Variants in PDXDC1 observed in about 807,000 individuals in gnomAD.
The protein encoded by PDXDC1 is pyridoxal dependent decarboxylase domain containing 1, also known as pyridoxal-dependent decarboxylase domain-containing protein 1.
PDXDC1 carries 42 observed loss-of-function variants against 100.1 expected under a neutral mutation model. That is an observed-to-expected ratio of 0.42 (90% CI 0.33 to 0.54). The LOEUF (loss-of-function observed/expected upper bound fraction) is 0.54. Among genes scored for constraint, PDXDC1 ranks in the 20% least tolerant of loss-of-function variants. PDXDC1 has a pLI of 0.10. For synonymous variants in PDXDC1, 260 were observed against 371.7 expected (o/e 0.70, Z 3.46); for missense variants, 636 against 979.2 (o/e 0.65, Z 4.68).
chr16:15,059,378 C>T (rs912744748), intron 16 of PDXDC1, among the ~76,000 whole-genome samples: 3 of 151,734 alleles, frequency 2.0e-5, no homozygotes, highest in African/African-American at 7.3e-5. Flanking sequence ...TATCTTTAAC[C>T]AAAAAAAACT....
At chr16:15,028,026 C>T (rs2042753535) in intron 14 of PDXDC1, among the ~76,000 whole-genome samples, 1 of 152,288 alleles carries the variant, frequency 6.6e-6, no homozygotes, top group Non-Finnish European at 1.5e-5. Flanking sequence ...ATCAGTGTCA[C>T]TTCCCTGCCC....
At chr16:15,091,592 T>C (rs2046131451) in intron 16 of PDXDC1, among the ~76,000 whole-genome samples, 1 of 152,032 alleles carries the variant, frequency 6.6e-6, no homozygotes, top group South Asian at 2.1e-4. Flanking sequence ...TACATTTAGC[T>C]ATACTTCTGT....
chr16:15,042,718 C>CTATTTATTTATTTATT (rs58123477), downstream of PDXDC1, among the ~76,000 whole-genome samples: 5,117 of 147,054 alleles, frequency 0.035, 174 homozygotes, highest in Admixed American at 0.084. Flanking sequence ...AAAGGATGAA[C>CTATTTATTTATTTATT]TATTTATTTA....
At chr16:15,032,257 G>T in intron 17 of PDXDC1, 1 of 268,790 alleles carries the variant, frequency 3.7e-6, no homozygotes, top group African/African-American at 2.1e-5. Flanking sequence ...CTCGGGGAGA[G>T]AACTGGGTGC....
At chr16:15,028,747 A>C (rs534257102) in intron 14 of PDXDC1, 131 bp from the exon 15 acceptor site, 1 of 775,342 alleles carries the variant, frequency 1.3e-6, no homozygotes, top group African/African-American at 1.7e-5. Context: ...CAGATAATAC[A>C]TGAGAATTCA....
intron 17 of PDXDC1, chr16:15,032,210 T>C (rs980969276): frequency 1.4e-5 from 5 of 368,348 alleles, no homozygotes; most frequent in African/African-American, 8.0e-5. Flanking sequence ...CCAGGGCATA[T>C]AGAGAATTGC....
At chr16:15,034,024 G>T (rs935542845) in intron 19 of PDXDC1, 1 of 566,290 alleles carries the variant, frequency 1.8e-6, no homozygotes, top group African/African-American at 1.9e-5. Context: ...ACTCCTTAAG[G>T]TTTCTTTCCA....
intron 1 of PDXDC1, among the ~76,000 whole-genome samples, chr16:14,981,307 C>G (rs1342918200): frequency 6.6e-6 from 1 of 152,286 alleles, no homozygotes; most frequent in Admixed American, 6.5e-5. Context: ...CTAACAATCC[C>G]TGAACAAGGT....
At chr16:15,102,349 A>T (rs1044667795) in intron 16 of PDXDC1, among the ~76,000 whole-genome samples, 1 of 152,060 alleles carries the variant, frequency 6.6e-6, no homozygotes, top group African/African-American at 2.4e-5. Flanking sequence ...ATTTTACGAG[A>T]GGGTGTAGCC....
At chr16:14,976,576 T>C (rs1381002268) in intron 1 of PDXDC1, among the ~76,000 whole-genome samples, 1 of 152,284 alleles carries the variant, frequency 6.6e-6, no homozygotes, top group African/African-American at 2.4e-5. Flanking sequence ...ATTAGCAGGG[T>C]GTCTACCTTT....
chr16:15,133,915 C>A lies in PDXDC1; in HGVS notation c.1400-4964C>A. The A allele has an allele frequency of 2.7e-6, 4 of 1,475,068 alleles. No homozygotes were observed. The South Asian group carries it at 4.7e-5, about 17-fold the overall frequency. 91.4% of individuals were successfully genotyped at this position (1,475,068 alleles called of 1,614,324 possible). A position where few individuals can be genotyped will look rare whatever the true frequency, so the allele number is the denominator to read the frequency against. On this transcript the variant is annotated intron_variant, in intron 16 of 16. Coordinates refer to the PDXDC1 transcript ENST00000535621. Reference sequence around the variant, plus strand: ...AGGGGGATGGAGGCGCAGCCCTCCTCCTCGCCAGAGCGGCCCAGCACCGTC... The same window carrying A: ...AGGGGGATGGAGGCGCAGCCCTCCTACTCGCCAGAGCGGCCCAGCACCGTC...
At chr16:15,102,328 G>T (rs1461867159) in intron 16 of PDXDC1, among the ~76,000 whole-genome samples, 1 of 152,130 alleles carries the variant, frequency 6.6e-6, no homozygotes, top group Non-Finnish European at 1.5e-5. Context: ...GCCCTGAAGG[G>T]AGGAAATCCA....
At chr16:15,095,046 C>T (rs1343005336) in intron 16 of PDXDC1, among the ~76,000 whole-genome samples, 1 of 152,156 alleles carries the variant, frequency 6.6e-6, no homozygotes, top group Middle Eastern at 3.4e-3. Context: ...CTGTGTTGGC[C>T]AGGCTGGTCT....
At chr16:15,024,597 G>C (rs1468133077) in intron 13 of PDXDC1, among the ~76,000 whole-genome samples, 1 of 152,238 alleles carries the variant, frequency 6.6e-6, no homozygotes, top group Non-Finnish European at 1.5e-5. Context: ...ATTTTTAGTA[G>C]AGATGGGGTT....
chr16:15,090,766 T>C (rs1216053293), intron 16 of PDXDC1, among the ~76,000 whole-genome samples: 3 of 152,162 alleles, frequency 2.0e-5, no homozygotes, highest in Admixed American at 1.3e-4. Flanking sequence ...TAATAAACCA[T>C]TCTCTTCAAA....
chr16:14,982,730 A>G (rs1294482838), intron 1 of PDXDC1, among the ~76,000 whole-genome samples: 1 of 152,284 alleles, frequency 6.6e-6, no homozygotes, highest in African/African-American at 2.4e-5. Flanking sequence ...CTTGGCCCAT[A>G]AGGAACATTA....
intron 1 of PDXDC1, among the ~76,000 whole-genome samples, chr16:14,987,242 T>G (rs1597308462): frequency 6.6e-6 from 1 of 152,412 alleles, no homozygotes; most frequent in East Asian, 1.9e-4. Context: ...AAATTAAACC[T>G]TAGTTCTAAA....
chr16:15,126,103 C>T (rs1567293998), intron 16 of PDXDC1, among the ~76,000 whole-genome samples: 1 of 151,914 alleles, frequency 6.6e-6, no homozygotes, highest in Non-Finnish European at 1.5e-5. Context: ...GGCGCAATCT[C>T]AGCTCACTGC....
At chr16:15,129,422 G>C (rs1170347929) in intron 16 of PDXDC1, among the ~76,000 whole-genome samples, 1 of 152,142 alleles carries the variant, frequency 6.6e-6, no homozygotes, top group Non-Finnish European at 1.5e-5. Context: ...CTGGGCAACA[G>C]AGCGAGACTC....
Sources: gnomAD v4.1 joint callset for allele counts (sites outside exome capture counted in the v4.1 genomes callset) on GRCh38, gnomAD v4.1.1 for gene constraint, MANE v1.5 for transcripts, NCBI Gene and HGNC (gene_info 2026-07-23, HGNC 2026-07-21) for gene names.